The following LRRTM3 variants were observed in gnomAD, a reference collection of about 807,000 sequenced individuals.
The protein encoded by LRRTM3 is leucine rich repeat transmembrane neuronal 3.
Under a neutral mutation model 44.7 loss-of-function variants are expected in LRRTM3, and 24 were observed. The observed-to-expected ratio is 0.54, with a 90% CI of 0.39 to 0.76. The LOEUF (loss-of-function observed/expected upper bound fraction) is 0.76, where lower values mean the gene tolerates loss of function less well. LRRTM3 is among the 30% of genes least tolerant of loss of function. The probability of loss-of-function intolerance (pLI) is 0.00; values close to 1 mark genes in which losing one functional copy is unlikely to be tolerated. For missense variants in LRRTM3, 587 were observed against 702.2 expected (o/e 0.84, Z 1.85); for synonymous variants, 277 against 278.7 (o/e 0.99, Z 0.06).
chr10:67,068,450 G>T (rs1856227696), intron 2 of LRRTM3, among the ~76,000 whole-genome samples: 3 of 152,184 alleles, frequency 2.0e-5, no homozygotes, highest in South Asian at 4.1e-4. Flanking sequence ...TAGAACCCTG[G>T]AGAGTTCTGA....
chr10:67,001,298 T>TAAAAAAAAAA (rs568002651), intron 2 of LRRTM3, among the ~76,000 whole-genome samples: 1 of 93,300 alleles, frequency 1.1e-5, no homozygotes, highest in Non-Finnish European at 2.2e-5. Context: ...AGACTCTGTC[T>TAAAAAAAAAA]AAAAAAAAAA....
intron 2 of LRRTM3, among the ~76,000 whole-genome samples, chr10:67,065,410 C>T (rs944223771): frequency 6.6e-6 from 1 of 151,848 alleles, no homozygotes; most frequent in East Asian, 1.9e-4. Flanking sequence ...TTTTCTCAAC[C>T]CTTTACATAA....
chr10:66,997,767 T>C (rs1464994460), intron 2 of LRRTM3, among the ~76,000 whole-genome samples: 1 of 152,168 alleles, frequency 6.6e-6, no homozygotes, highest in African/African-American at 2.4e-5. Context: ...GCAGAGGAAG[T>C]CCTCAAATTT....
At chr10:67,051,781 GTC>G (rs1311923388) in intron 2 of LRRTM3, among the ~76,000 whole-genome samples, 29 of 148,286 alleles carry the variant, frequency 2.0e-4, no homozygotes, top group African/African-American at 7.0e-4. Flanking sequence ...TTGAGATGGA[GTC>G]TCACTCTCTC....
chr10:67,026,719 A>G (rs908994394), intron 2 of LRRTM3, among the ~76,000 whole-genome samples: 11 of 152,296 alleles, frequency 7.2e-5, no homozygotes, highest in Admixed American at 3.9e-4. Context: ...AAAGTATATT[A>G]ACGTTCATTT....
At chr10:67,005,912 C>T (rs2133011923) in intron 2 of LRRTM3, among the ~76,000 whole-genome samples, 1 of 151,914 alleles carries the variant, frequency 6.6e-6, no homozygotes, top group South Asian at 2.1e-4. Flanking sequence ...TCTCAAACTC[C>T]TGTTCTCAGG....
At chr10:67,054,366 T>C (rs552220853) in intron 2 of LRRTM3, among the ~76,000 whole-genome samples, 9 of 152,276 alleles carry the variant, frequency 5.9e-5, no homozygotes, top group African/African-American at 1.7e-4. Context: ...GGGTAAGCTT[T>C]TGTGTCACAC....
intron 2 of LRRTM3, among the ~76,000 whole-genome samples, chr10:67,043,443 C>A (rs7072706): frequency 0.34 from 51,644 of 151,828 alleles, 9,323 homozygotes; most frequent in Middle Eastern, 0.55. Context: ...CTAAAAAAAT[C>A]TTTTCTGAGG....
intron 2 of LRRTM3, among the ~76,000 whole-genome samples, chr10:67,022,879 A>T (rs1218928765): frequency 6.6e-6 from 1 of 152,170 alleles, no homozygotes; most frequent in African/African-American, 2.4e-5. Context: ...CGGAGGTTGC[A>T]GTGAGCCGAG....
intron 2 of LRRTM3, among the ~76,000 whole-genome samples, chr10:66,951,656 C>T (rs944511773): frequency 5.3e-5 from 8 of 152,080 alleles, no homozygotes; most frequent in Non-Finnish European, 1.2e-4. Context: ...ACACTATTGG[C>T]TTTTGTTCCT....
intron 2 of LRRTM3, among the ~76,000 whole-genome samples, chr10:67,036,417 G>T (rs544776558): frequency 2.3e-4 from 35 of 152,132 alleles, no homozygotes; most frequent in Admixed American, 2.3e-3. Context: ...TGTAACCCCA[G>T]CACTTTGGAA....
At chr10:67,095,929 T>C (rs560408957) in intron 2 of LRRTM3, among the ~76,000 whole-genome samples, 71 of 152,026 alleles carry the variant, frequency 4.7e-4, no homozygotes, top group African/African-American at 1.5e-3. Context: ...TTCTTATTTA[T>C]TTTAAATGGA....
intron 2 of LRRTM3, among the ~76,000 whole-genome samples, chr10:66,990,233 G>A (rs1181276107): frequency 2.6e-5 from 4 of 152,110 alleles, no homozygotes; most frequent in Non-Finnish European, 5.9e-5. Context: ...TGGGGCCAAT[G>A]TGTCCCATTG....
rs529887112 is a variant in LRRTM3, at chr10:67,018,070, C to A, written c.1537-79517C>A. Among the ~76,000 whole-genome samples the A allele has an allele frequency of 7.2e-4, 110 of 152,074 alleles. 1 individual carries two copies. The highest frequency in any genetic ancestry group is 2.6e-3 in the African/African-American group (106 of 41,468). ...TACAGGTGTGAGCCACCATGCCTGG[C>A]CTGTGGATATATATTAAACATATAT... On this transcript the variant is annotated intron_variant, in intron 2 of 2. Transcript: ENST00000361320.
At chr10:66,945,281 GC>G (rs1270480429) in intron 2 of LRRTM3, among the ~76,000 whole-genome samples, 1 of 152,186 alleles carries the variant, frequency 6.6e-6, no homozygotes, top group Non-Finnish European at 1.5e-5. Flanking sequence ...ACTTGTTGCA[GC>G]TTTTACATCA....
At chr10:67,041,906 C>T (rs371672037) in intron 2 of LRRTM3, among the ~76,000 whole-genome samples, 1 of 152,088 alleles carries the variant, frequency 6.6e-6, no homozygotes, top group South Asian at 2.1e-4. Flanking sequence ...GGATCACATT[C>T]ATAAAAGCAA....
chr10:67,052,019 T>A (rs925485131), intron 2 of LRRTM3, among the ~76,000 whole-genome samples: 1 of 152,106 alleles, frequency 6.6e-6, no homozygotes, highest in Non-Finnish European at 1.5e-5. Flanking sequence ...CCTCCCAAAG[T>A]GCTGGGATTA....
chr10:67,050,802 T>C (rs1855044639), intron 2 of LRRTM3, among the ~76,000 whole-genome samples: 1 of 152,256 alleles, frequency 6.6e-6, no homozygotes, highest in Non-Finnish European at 1.5e-5. Context: ...TTGATGTTGA[T>C]TTTTATTCAA....
At position 67,082,541 on chromosome 10, in the gene LRRTM3, A is replaced by C. The variant is rs1477449256; in HGVS notation, c.1537-15046A>C. On this transcript the variant is annotated intron_variant, in intron 2 of 2. Coordinates refer to ENST00000361320, the MANE Select transcript of LRRTM3 (RefSeq NM_178011.5). Reference sequence around the variant, plus strand: ...TTACTATAGTAAGAAGTTGAGAATCACTTTCTTTCCTACCAAATTCTCAAT... The same window carrying C: ...TTACTATAGTAAGAAGTTGAGAATCCCTTTCTTTCCTACCAAATTCTCAAT... Among the ~76,000 whole-genome samples the C allele has an allele frequency of 2.0e-5, 3 of 152,178 alleles. No individual in the cohort carries two copies. The East Asian group carries it at 5.8e-4, about 29-fold the overall frequency.
Sources: allele counts gnomAD v4.1 joint callset (sites outside exome capture counted in the v4.1 genomes callset), GRCh38; gene constraint gnomAD v4.1.1; transcripts MANE v1.5; gene names NCBI Gene and HGNC (gene_info 2026-07-23, HGNC 2026-07-21).